CACNA1C: variants seen among roughly 807,000 people sequenced by gnomAD.
CACNA1C encodes the protein voltage-dependent L-type calcium channel subunit alpha-1C.
Under a neutral mutation model 229.0 loss-of-function variants are expected in CACNA1C, and 30 were observed. The observed-to-expected ratio is 0.13, with a 90% confidence interval of 0.10 to 0.18. The LOEUF is 0.18. Among genes scored for constraint, CACNA1C ranks in the 10% least tolerant of loss-of-function variants. The pLI, the probability that CACNA1C is intolerant of heterozygous loss-of-function variation, is 1.00. For missense variants in CACNA1C, 1,658 were observed against 2,845.0 expected (o/e 0.58, Z 9.49); for synonymous variants, 1,114 against 1,132.5 (o/e 0.98, Z 0.33).
rs752539346 is a variant in CACNA1C, at chr12:2,688,452, G to C, written c.5790G>C (p.Leu1930Phe). 4 of 1,613,716 alleles carry C rather than the reference G, an allele frequency of 2.5e-6. No individual in the cohort carries two copies. In the South Asian group the frequency reaches 4.4e-5, roughly 18 times the overall value. Reference sequence around the variant, plus strand: ...CACTCCTTGTGTGTCCGCAGGCATTGGCAGTGGCAGGCCTGAGCCCCCTCC... The same window carrying C: ...CACTCCTTGTGTGTCCGCAGGCATTCGCAGTGGCAGGCCTGAGCCCCCTCC... Reference protein sequence around the residue: ...LPLHLVHHQALAVAGLSPLLQ... With the variant: ...LPLHLVHHQAFAVAGLSPLLQ... Residue 1930 changes from leucine to phenylalanine, a missense_variant, in exon 46 of 47, where the codon TTG becomes TTC. By Grantham distance (22) the Leu-to-Phe change is conservative (BLOSUM62 0). Around this residue, in one of 20 missense-constraint regions of CACNA1C, gnomAD observed 590 missense variants for 700.8 expected, o/e 0.84. Coordinates refer to ENST00000399655, the MANE Select transcript of CACNA1C (RefSeq NM_000719.7).
intron 1 of CACNA1C, among the ~76,000 whole-genome samples, chr12:2,101,914 C>T (rs1277264047): frequency 6.6e-6 from 1 of 152,102 alleles, no homozygotes; most frequent in Non-Finnish European, 1.5e-5. Flanking sequence ...GCAACAGAAC[C>T]CCTGCATCAT....
chr12:1,972,658 C>T (rs568437828), intron 1 of CACNA1C, among the ~76,000 whole-genome samples: 1 of 152,274 alleles, frequency 6.6e-6, no homozygotes, highest in Admixed American at 6.5e-5. Flanking sequence ...TGCCCTTCTC[C>T]CAGCCTTTCA....
chr12:2,245,181 T>C (rs2072556061), intron 3 of CACNA1C, among the ~76,000 whole-genome samples: 1 of 152,226 alleles, frequency 6.6e-6, no homozygotes, highest in East Asian at 1.9e-4. Context: ...TTGCATACTT[T>C]AAGAAGGTGG....
chr12:2,017,214 G>C (rs2045548873), intron 1 of CACNA1C, among the ~76,000 whole-genome samples: 1 of 152,204 alleles, frequency 6.6e-6, no homozygotes. Flanking sequence ...GACTGGGATG[G>C]TGGCACTCTG....
intron 3 of CACNA1C, among the ~76,000 whole-genome samples, chr12:2,347,214 C>G (rs892024354): frequency 6.6e-6 from 1 of 152,144 alleles, no homozygotes; most frequent in Non-Finnish European, 1.5e-5. Flanking sequence ...ACAAATGCAC[C>G]CTTTCTCACC....
chr12:2,676,536 G>T, intron 39 of CACNA1C: 1 of 154,768 alleles, frequency 6.5e-6, no homozygotes. Context: ...AGCCCAGCAG[G>T]GATGCAGCCA....
chr12:2,662,355 C>G (rs1266051891), intron 34 of CACNA1C, among the ~76,000 whole-genome samples: 1 of 151,920 alleles, frequency 6.6e-6, no homozygotes, highest in African/African-American at 2.4e-5. Flanking sequence ...AGAAAAATTA[C>G]AGAAAATTGC....
intron 13 of CACNA1C, among the ~76,000 whole-genome samples, chr12:2,568,741 A>T (rs1341490968): frequency 6.6e-6 from 1 of 152,060 alleles, no homozygotes; most frequent in African/African-American, 2.4e-5. Flanking sequence ...CAGAAAGCAG[A>T]ATGGTGGGCG....
chr12:2,160,710 A>C (rs1486320330), intron 3 of CACNA1C, among the ~76,000 whole-genome samples: 1 of 152,252 alleles, frequency 6.6e-6, no homozygotes, highest in Non-Finnish European at 1.5e-5. Context: ...CACCTAATGG[A>C]AACTGCCCAT....
intron 3 of CACNA1C, among the ~76,000 whole-genome samples, chr12:2,177,626 T>TTCTC (rs1164080924): frequency 1.1e-5 from 1 of 92,748 alleles, no homozygotes; most frequent in Non-Finnish European, 2.3e-5. Flanking sequence ...CCTTCCTTCC[T>TTCTC]TCTCTCTCTC....
rs571118046 is a variant in CACNA1C, at chr12:2,493,161, C to T, written c.917-29C>T. The stretch of plus-strand genomic sequence containing the variant: ...CACATCTCTCCCTCCCTGCTGCTCC[C>T]GTCTCCTGTCTTCTTCTGGCCATTT... On this transcript the variant is annotated intron_variant, in intron 6 of 46. Coordinates refer to ENST00000399655, the MANE Select transcript of CACNA1C (RefSeq NM_000719.7). The surrounding 1 kb of genome is among the most constrained non-coding windows in gnomAD (Gnocchi z 4.6). The T allele has an allele frequency of 2.8e-5, 44 of 1,596,126 alleles. No individual in the cohort carries two copies. In the Middle Eastern group the frequency reaches 6.7e-4, roughly 24 times the overall value.
intron 9 of CACNA1C, among the ~76,000 whole-genome samples, chr12:2,530,728 A>G (rs2099838993): frequency 6.6e-6 from 1 of 152,220 alleles, no homozygotes; most frequent in Admixed American, 6.5e-5. Context: ...GATGAATCAT[A>G]AAGATCATTT....
intron 30 of CACNA1C, among the ~76,000 whole-genome samples, chr12:2,642,257 GT>G (rs2093798860): frequency 6.6e-6 from 1 of 152,082 alleles, no homozygotes; most frequent in African/African-American, 2.4e-5. Context: ...GTCACTTTTT[GT>G]TTCCCTCAAA....
rs1311898327 is a variant in CACNA1C, at chr12:2,682,144, A to G, written c.5445-406A>G. The G allele has an allele frequency of 4.1e-6, 3 of 735,954 alleles. No individual in the cohort carries two copies. In the African/African-American group the frequency reaches 5.2e-5, roughly 13 times the overall value. 45.6% of individuals were successfully genotyped at this position (735,954 alleles called of 1,614,324 possible). ...ATAAGAGGCCAAGGACTTCTCAGCTATGCCAAATGCCAAAGACCCAGGTGT... is the reference window on the plus strand; with the variant it reads ...ATAAGAGGCCAAGGACTTCTCAGCTGTGCCAAATGCCAAAGACCCAGGTGT... On this transcript the variant is annotated intron_variant, in intron 42 of 46. Coordinates refer to ENST00000399655, the MANE Select transcript of CACNA1C (RefSeq NM_000719.7).
chr12:2,602,603 ATG>A lies in CACNA1C; in HGVS notation c.2960+650_2960+651del, dbSNP rs1022134660. On this transcript the variant is annotated intron_variant, in intron 22 of 46. Transcript: ENST00000399655. The surrounding 1 kb of genome is among the most constrained non-coding windows in gnomAD (Gnocchi z 4.4). ...TGCATATGTATGTGTGAGTGCATGT[ATG>A]TGTGTGACTGTGTATATTTGTGTCT... 6.8e-6 allele frequency among the ~76,000 whole-genome samples: 1 copy of A among 146,980 alleles called. No homozygotes were observed. Among genetic ancestry groups the A allele is most frequent in the African/African-American group, 2.5e-5 (1 of 39,406 alleles).
Position 2,608,923 on chromosome 12 carries a change from C to G in CACNA1C, c.3558+211C>G, listed in dbSNP as rs2076442716. Reference sequence around the variant, plus strand: ...GCAAACCCCAGATCTGGCAAATGTACTCAGCCAACAAATATCTATGAAGCT... The same window carrying G: ...GCAAACCCCAGATCTGGCAAATGTAGTCAGCCAACAAATATCTATGAAGCT... On this transcript the variant is annotated intron_variant, in intron 27 of 46. Coordinates refer to ENST00000399655, the MANE Select transcript of CACNA1C (RefSeq NM_000719.7). The surrounding 1 kb of genome is among the most constrained non-coding windows in gnomAD (Gnocchi z 4.2). Among the ~76,000 whole-genome samples, 1 of 152,216 alleles carries G rather than the reference C, an allele frequency of 6.6e-6. No individual in the cohort carries two copies. The highest frequency in any genetic ancestry group is 2.4e-5 in the African/African-American group (1 of 41,444).
intron 1 of CACNA1C, among the ~76,000 whole-genome samples, chr12:2,112,221 G>C (rs997918896): frequency 6.6e-6 from 1 of 152,190 alleles, no homozygotes; most frequent in Non-Finnish European, 1.5e-5. Context: ...TGCTTGCTGG[G>C]TGTTCAAGCA....
chr12:2,660,012 C>T (rs2095625563), intron 34 of CACNA1C: 1 of 189,488 alleles, frequency 5.3e-6, no homozygotes, highest in South Asian at 1.4e-4. Context: ...CAAACCATAC[C>T]TTTTATGAGA....
Position 2,691,461 on chromosome 12 carries a change from GC to G in CACNA1C, c.*266del. On this transcript the variant is annotated 3_prime_UTR_variant, in exon 47 of 47. Coordinates refer to ENST00000399655, the MANE Select transcript of CACNA1C (RefSeq NM_000719.7). ...GCGCCTGCCCTCTCCCAGCTCGCAG[GC>G]CCCGGGCCCGGCCGCGCCTCCGCGG... 2.7e-6 allele frequency: 1 copy of G among 374,534 alleles called. No individual in the cohort carries two copies. 23.2% of individuals were successfully genotyped at this position (374,534 alleles called of 1,614,324 possible).
Sources: gnomAD v4.1 joint callset for allele counts (sites outside exome capture counted in the v4.1 genomes callset) on GRCh38, gnomAD v4.1.1 for gene constraint, gnomAD v4.1.1 regional missense constraint, Gnocchi (gnomAD v3.1) non-coding constraint, MANE v1.5 for transcripts, NCBI Gene and HGNC (gene_info 2026-07-23, HGNC 2026-07-21) for gene names.